TSHZ2: variants seen among roughly 807,000 people sequenced by gnomAD.
TSHZ2 encodes teashirt homolog 2.
A neutral mutation model predicts 74.4 loss-of-function variants in TSHZ2; 21 were observed. The observed-to-expected ratio is 0.28, with a 90% CI of 0.20 to 0.41. TSHZ2 has a LOEUF of 0.41. Ranked by LOEUF, TSHZ2 falls within the 10% of genes least tolerant of loss-of-function variation. The pLI, the probability that TSHZ2 is intolerant of heterozygous loss-of-function variation, is 1.00. For missense variants in TSHZ2, 1,244 were observed against 1,293.5 expected (o/e 0.96, Z 0.59); for synonymous variants, 540 against 515.3 (o/e 1.05, Z -0.65).
intron 2 of TSHZ2, among the ~76,000 whole-genome samples, chr20:53,407,816 A>G (rs564449551): frequency 6.6e-6 from 1 of 152,356 alleles, no homozygotes; most frequent in East Asian, 1.9e-4. Context: ...AAGCAGTGCC[A>G]TGTGATACAC....
chr20:53,474,008 G>A (rs1985913649), intron 2 of TSHZ2, among the ~76,000 whole-genome samples: 1 of 151,662 alleles, frequency 6.6e-6, no homozygotes, highest in African/African-American at 2.4e-5. Context: ...GGGACTATGT[G>A]AAAAGACCAA....
chr20:52,986,237 GA>G (rs1055199752), intron 1 of TSHZ2, among the ~76,000 whole-genome samples: 79 of 142,830 alleles, frequency 5.5e-4, no homozygotes, highest in South Asian at 8.9e-4. Flanking sequence ...TAAAAATACA[GA>G]AAAAAAAAAA....
chr20:53,319,559 A>G (rs1979164644), intron 2 of TSHZ2, among the ~76,000 whole-genome samples: 1 of 152,200 alleles, frequency 6.6e-6, no homozygotes, highest in Non-Finnish European at 1.5e-5. Flanking sequence ...GCCCCCTCTG[A>G]GCAGTGACAT....
At chr20:53,167,661 T>C (rs6097268) in intron 1 of TSHZ2, among the ~76,000 whole-genome samples, 5,274 of 152,256 alleles carry the variant, frequency 0.035, 276 homozygotes, top group African/African-American at 0.11. Flanking sequence ...GGCAGTTTAA[T>C]TCATAATGTC....
At chr20:52,996,224 TGAAA>T (rs1982181725) in intron 1 of TSHZ2, among the ~76,000 whole-genome samples, 2 of 152,128 alleles carry the variant, frequency 1.3e-5, no homozygotes, top group African/African-American at 4.8e-5. Context: ...CCAACAGGAT[TGAAA>T]GAACCACTTT....
chr20:53,325,841 GCA>G (rs1979469860), intron 2 of TSHZ2, among the ~76,000 whole-genome samples: 1 of 152,112 alleles, frequency 6.6e-6, no homozygotes, highest in African/African-American at 2.4e-5. Flanking sequence ...GAGTGCAGTG[GCA>G]CGATCTCGGC....
intron 1 of TSHZ2, among the ~76,000 whole-genome samples, chr20:53,235,061 T>A (rs917617231): frequency 6.8e-6 from 1 of 147,020 alleles, no homozygotes; most frequent in African/African-American, 2.5e-5. Context: ...CCTCGTCACT[T>A]AATGTCTCAT....
intron 1 of TSHZ2, among the ~76,000 whole-genome samples, chr20:53,015,415 G>GA (rs1747002960): frequency 6.6e-6 from 1 of 152,018 alleles, no homozygotes; most frequent in Non-Finnish European, 1.5e-5. Flanking sequence ...TAGAACCAGA[G>GA]ATGCTGCCAA....
At position 53,493,240 on chromosome 20, in the gene TSHZ2, T is replaced by C. The variant is rs1266273354; in HGVS notation, c.*6105T>C. On this transcript the variant is annotated 3_prime_UTR_variant, in exon 3 of 3. Transcript: ENST00000371497. Reference sequence around the variant, plus strand: ...AAAAAATATGCTTGTAATTTTTTCCTGGTCATTCTCTTTCAATAGCTTATG... The same window carrying C: ...AAAAAATATGCTTGTAATTTTTTCCCGGTCATTCTCTTTCAATAGCTTATG... 1 of 152,256 alleles carries C rather than the reference T, an allele frequency of 6.6e-6. No individual in the cohort carries two copies. Among genetic ancestry groups the C allele is most frequent in the African/African-American group, 2.4e-5 (1 of 41,472 alleles). The allele number at this position is 152,256 out of a possible 1,614,324, so 9.4% of individuals were successfully genotyped here. A position where few individuals can be genotyped will look rare whatever the true frequency, so the allele number is the denominator to read the frequency against.
chr20:53,274,212 G>A (rs6126807), intron 2 of TSHZ2, among the ~76,000 whole-genome samples: 30,249 of 152,160 alleles, frequency 0.2, 3,129 homozygotes, highest in South Asian at 0.25. Context: ...GGAGATTGCA[G>A]TGAGCCGAGA....
At chr20:53,462,906 G>A (rs926614710) in intron 2 of TSHZ2, among the ~76,000 whole-genome samples, 1 of 152,106 alleles carries the variant, frequency 6.6e-6, no homozygotes, top group South Asian at 2.1e-4. Flanking sequence ...ACTACTTGTG[G>A]TCCCATGAGC....
Position 53,067,355 on chromosome 20 carries a change from C to T in TSHZ2, c.40+94022C>T, listed in dbSNP as rs140039701. Among the ~76,000 whole-genome samples, 174 of 152,314 alleles carry T rather than the reference C, an allele frequency of 1.1e-3. No individual in the cohort carries two copies. The Middle Eastern group carries it at 0.017, about 15-fold the overall frequency. ...AAAGCAATTATAATTCAGAGAAAAACAACTCAATGTGTGAAATGGTAAAAT... is the reference window on the plus strand; with the variant it reads ...AAAGCAATTATAATTCAGAGAAAAATAACTCAATGTGTGAAATGGTAAAAT... On this transcript the variant is annotated intron_variant, in intron 1 of 2. Coordinates refer to ENST00000371497, the MANE Select transcript of TSHZ2 (RefSeq NM_173485.6).
chr20:53,343,299 G>A (rs6022407), intron 2 of TSHZ2, among the ~76,000 whole-genome samples: 2,031 of 152,152 alleles, frequency 0.013, 38 homozygotes, highest in African/African-American at 0.045. Flanking sequence ...CGGCAGGTGC[G>A]GCCACACTGG....
chr20:53,314,892 G>A (rs1247388584), intron 2 of TSHZ2, among the ~76,000 whole-genome samples: 2 of 152,164 alleles, frequency 1.3e-5, no homozygotes, highest in African/African-American at 4.8e-5. Context: ...AAAGTCCTGG[G>A]ATTACAGGCG....
chr20:53,265,284 A>G (rs1222355000), intron 2 of TSHZ2, among the ~76,000 whole-genome samples: 1 of 152,174 alleles, frequency 6.6e-6, no homozygotes, highest in Non-Finnish European at 1.5e-5. Context: ...AGGCACACTT[A>G]GGGGCTTGGA....
intron 1 of TSHZ2, among the ~76,000 whole-genome samples, chr20:53,037,093 T>C (rs1983850614): frequency 1.3e-5 from 2 of 152,196 alleles, no homozygotes; most frequent in Non-Finnish European, 2.9e-5. Flanking sequence ...ATTTCTGTTA[T>C]GAGGAACATC....
intron 2 of TSHZ2, among the ~76,000 whole-genome samples, chr20:53,314,782 T>G (rs1433447019): frequency 6.6e-6 from 1 of 151,944 alleles, no homozygotes; most frequent in African/African-American, 2.4e-5. Context: ...CCACCACGCC[T>G]GGCTAATTTT....
intron 2 of TSHZ2, among the ~76,000 whole-genome samples, chr20:53,273,941 A>G (rs1990889849): frequency 6.6e-6 from 1 of 152,166 alleles, no homozygotes; most frequent in South Asian, 2.1e-4. Flanking sequence ...ACTCCCAAGC[A>G]TGCCATCACT....
chr20:52,977,204 G>T (rs1299215338), intron 1 of TSHZ2, among the ~76,000 whole-genome samples: 2 of 152,094 alleles, frequency 1.3e-5, no homozygotes, highest in Non-Finnish European at 2.9e-5. Context: ...GATGGAGGGA[G>T]GGGGCAGGCA....
Sources: allele counts gnomAD v4.1 joint callset (sites outside exome capture counted in the v4.1 genomes callset), GRCh38; gene constraint gnomAD v4.1.1; transcripts MANE v1.5; gene names NCBI Gene and HGNC (gene_info 2026-07-23, HGNC 2026-07-21).